The following CNTN1 variants were observed in gnomAD, a reference collection of about 807,000 sequenced individuals.
The protein encoded by CNTN1 is contactin-1.
In CNTN1, 38 loss-of-function variants were observed where a neutral mutation model predicts 126.4. The ratio of observed to expected loss-of-function variants is 0.30; its 90% CI spans 0.23 to 0.39. CNTN1 has a LOEUF of 0.39. Ranked by LOEUF, CNTN1 falls within the 10% of genes least tolerant of loss-of-function variation. The pLI, the probability that CNTN1 is intolerant of heterozygous loss-of-function variation, is 1.00. For synonymous variants in CNTN1, 413 were observed against 422.6 expected (o/e 0.98, Z 0.28); for missense variants, 1,009 against 1,248.4 (o/e 0.81, Z 2.89).
intron 1 of CNTN1, among the ~76,000 whole-genome samples, chr12:40,808,062 C>T (rs1030552540): frequency 3.3e-5 from 5 of 152,094 alleles, no homozygotes; most frequent in African/African-American, 1.2e-4. Flanking sequence ...GGTAAAAGTA[C>T]AGATCTTTTG....
At chr12:40,810,014 G>T (rs1263979425) in intron 1 of CNTN1, among the ~76,000 whole-genome samples, 2 of 152,104 alleles carry the variant, frequency 1.3e-5, no homozygotes, top group Non-Finnish European at 2.9e-5. Flanking sequence ...CATTATTAGT[G>T]TGAACAATAT....
chr12:40,946,468 GAC>G (rs1308006672), intron 14 of CNTN1, among the ~76,000 whole-genome samples: 3 of 152,176 alleles, frequency 2.0e-5, no homozygotes, highest in African/African-American at 7.2e-5. Context: ...GCCATAAGCA[GAC>G]ACAGTTGTAG....
chr12:40,798,421 C>T (rs1033619811), intron 1 of CNTN1, among the ~76,000 whole-genome samples: 1 of 151,968 alleles, frequency 6.6e-6, no homozygotes, highest in Non-Finnish European at 1.5e-5. Flanking sequence ...CAAAGCTGCA[C>T]AAATTCATTG....
intron 3 of CNTN1, among the ~76,000 whole-genome samples, chr12:40,916,055 T>G (rs1016199539): frequency 1.3e-5 from 2 of 152,116 alleles, no homozygotes; most frequent in African/African-American, 4.8e-5. Flanking sequence ...ATCGAAGTAC[T>G]TAGAAGATCT....
chr12:41,026,428 G>A (rs894445825), intron 21 of CNTN1, among the ~76,000 whole-genome samples: 1 of 152,196 alleles, frequency 6.6e-6, no homozygotes, highest in African/African-American at 2.4e-5. Flanking sequence ...TTAGATAAAA[G>A]TGAAATTCTG....
chr12:40,746,748 G>A (rs1938201087), intron 1 of CNTN1, among the ~76,000 whole-genome samples: 1 of 152,032 alleles, frequency 6.6e-6, no homozygotes, highest in Admixed American at 6.6e-5. Flanking sequence ...TTCACATGAA[G>A]CATTCTTCCC....
chr12:40,867,950 G>A (rs1222710772), intron 1 of CNTN1, among the ~76,000 whole-genome samples: 2 of 151,126 alleles, frequency 1.3e-5, no homozygotes, highest in African/African-American at 4.9e-5. Context: ...TTGTGCTACT[G>A]TGGTTAGAAA....
At chr12:40,779,586 G>T (rs1239162527) in intron 1 of CNTN1, among the ~76,000 whole-genome samples, 1 of 151,830 alleles carries the variant, frequency 6.6e-6, no homozygotes, top group African/African-American at 2.4e-5. Context: ...GCCTCCAAAA[G>T]CATTGCTGTC....
At chr12:40,916,886 G>C (rs1945264841) in intron 3 of CNTN1, among the ~76,000 whole-genome samples, 1 of 152,002 alleles carries the variant, frequency 6.6e-6, no homozygotes. Context: ...TTCTGATTCT[G>C]ATCCAGCTAT....
chr12:40,996,637 C>A (rs1025659891), intron 17 of CNTN1, among the ~76,000 whole-genome samples: 1 of 152,020 alleles, frequency 6.6e-6, no homozygotes, highest in Non-Finnish European at 1.5e-5. Context: ...TAATGGATTA[C>A]CCATTTAGCA....
At chr12:41,028,954 A>C (rs1949088461) in intron 22 of CNTN1, 109 bp from the exon 23 acceptor site, 4 of 1,059,452 alleles carry the variant, frequency 3.8e-6, no homozygotes, top group Non-Finnish European at 5.7e-6. Flanking sequence ...TTTTAAATTT[A>C]TTACTTTTTG....
At chr12:40,950,159 C>G (rs1946617529) in intron 14 of CNTN1, among the ~76,000 whole-genome samples, 2 of 147,986 alleles carry the variant, frequency 1.4e-5, no homozygotes, top group African/African-American at 2.5e-5. Context: ...ATCTATTTAG[C>G]TATTAAATAT....
At chr12:40,709,037 A>G (rs181918875) in intron 1 of CNTN1, among the ~76,000 whole-genome samples, 2 of 152,224 alleles carry the variant, frequency 1.3e-5, no homozygotes, top group African/African-American at 4.8e-5. Context: ...TTTTCAAAAG[A>G]TTTTTAACTG....
chr12:40,905,339 T>A (rs1487561399), intron 1 of CNTN1, among the ~76,000 whole-genome samples: 5 of 152,352 alleles, frequency 3.3e-5, no homozygotes, highest in African/African-American at 1.2e-4. Context: ...ATATCACTGA[T>A]GTACTCTATC....
intron 1 of CNTN1, among the ~76,000 whole-genome samples, chr12:40,719,879 C>T (rs1942148058): frequency 6.6e-6 from 1 of 152,110 alleles, no homozygotes; most frequent in South Asian, 2.1e-4. Flanking sequence ...GCTCTATTGC[C>T]CAGGCTGGAG....
chr12:40,923,157 T>G (rs2136876899), intron 5 of CNTN1, among the ~76,000 whole-genome samples: 1 of 152,152 alleles, frequency 6.6e-6, no homozygotes, highest in South Asian at 2.1e-4. Flanking sequence ...AATATTTAAC[T>G]TCTAATAGTA....
In CNTN1 at chr12:41,071,198, C is replaced by A. The variant is rs1950152480; in HGVS notation, c.*1163C>A. ...TGCTAATGGTACTTTGAAGAGTATG[C>A]AAAACTGGAAGGCCAGGAGGAGGCA... On this transcript the variant is annotated 3_prime_UTR_variant, in exon 24 of 24. Transcript: ENST00000551295. 1 of 151,978 alleles carries A rather than the reference C, an allele frequency of 6.6e-6. No homozygotes were observed. The allele number at this position is 151,978 out of a possible 1,614,324, so 9.4% of individuals were successfully genotyped here.
At chr12:40,746,931 G>A (rs73110872) in intron 1 of CNTN1, among the ~76,000 whole-genome samples, 1,784 of 152,110 alleles carry the variant, frequency 0.012, 23 homozygotes, top group African/African-American at 0.04. Flanking sequence ...CCCTGATGCT[G>A]GCTGTAACCA....
intron 1 of CNTN1, among the ~76,000 whole-genome samples, chr12:40,770,510 A>G (rs919199900): frequency 1.6e-4 from 25 of 152,122 alleles, no homozygotes; most frequent in African/African-American, 5.8e-4. Context: ...AGATTTTCAT[A>G]TGCATGGATG....
Sources: gnomAD v4.1 joint callset for allele counts (sites outside exome capture counted in the v4.1 genomes callset) on GRCh38, gnomAD v4.1.1 for gene constraint, MANE v1.5 for transcripts, NCBI Gene and HGNC (gene_info 2026-07-23, HGNC 2026-07-21) for gene names.